The following DNAH14 variants were observed in gnomAD, a reference collection of about 807,000 sequenced individuals.
DNAH14 encodes the protein axonemal beta dynein heavy chain 14.
In DNAH14, 478 loss-of-function variants were observed where a neutral mutation model predicts 520.9. That is an observed-to-expected ratio of 0.92 (90% CI 0.85 to 0.99). The LOEUF is 0.99. Ranked by LOEUF, DNAH14 falls within the 50% of genes least tolerant of loss-of-function variation. The pLI is 0.00. For missense variants in DNAH14, 4,831 were observed against 5,234.5 expected (o/e 0.92, Z 2.38); for synonymous variants, 1,581 against 1,757.2 (o/e 0.90, Z 2.51).
chr1:225,335,299 A>G lies in DNAH14; in HGVS notation c.10080+1793A>G, dbSNP rs111205882. On this transcript the variant is annotated intron_variant, in intron 66 of 85. Transcript: ENST00000682510. ...ATTGTGTGTATATGCACATATACACATGTGTACACGTGTGTATATGCACAT... is the reference window on the plus strand; with the variant it reads ...ATTGTGTGTATATGCACATATACACGTGTGTACACGTGTGTATATGCACAT... 2.8e-3 allele frequency among the ~76,000 whole-genome samples: 315 copies of G among 111,394 alleles called. 22 individuals carry two copies. Among genetic ancestry groups the G allele is most frequent in the South Asian group, 4.1e-3 (13 of 3,204 alleles). 73.1% of individuals were successfully genotyped at this position (111,394 alleles called of 152,430 possible). A position where few individuals can be genotyped will look rare whatever the true frequency, so the allele number is the denominator to read the frequency against.
At chr1:224,943,618 T>C (rs2059583300) in intron 1 of DNAH14, among the ~76,000 whole-genome samples, 1 of 152,218 alleles carries the variant, frequency 6.6e-6, no homozygotes, top group African/African-American at 2.4e-5. Context: ...TCCTGCTTTC[T>C]CTTGTGGGCA....
intron 72 of DNAH14, among the ~76,000 whole-genome samples, chr1:225,352,846 C>T (rs1252776299): frequency 2.0e-5 from 3 of 151,852 alleles, no homozygotes; most frequent in African/African-American, 7.3e-5. Context: ...ATTTCAAGTT[C>T]TTATTAAGAA....
At chr1:225,236,544 A>G (rs1053767702) in intron 42 of DNAH14, among the ~76,000 whole-genome samples, 6 of 152,118 alleles carry the variant, frequency 3.9e-5, no homozygotes, top group Admixed American at 3.3e-4. Flanking sequence ...AGGTCCACTT[A>G]ATCCAGAGCT....
intron 41 of DNAH14, among the ~76,000 whole-genome samples, chr1:225,226,386 A>G (rs1281548204): frequency 6.6e-6 from 1 of 152,236 alleles, no homozygotes; most frequent in Non-Finnish European, 1.5e-5. Flanking sequence ...TGGCTACATC[A>G]TGGCAAAGGA....
chr1:224,998,465 G>A (rs1487368936), intron 8 of DNAH14, among the ~76,000 whole-genome samples: 1 of 152,090 alleles, frequency 6.6e-6, no homozygotes, highest in Non-Finnish European at 1.5e-5. Context: ...TTGATATGTT[G>A]TATTTTCATT....
At chr1:225,212,041 T>G (rs2088513856) in intron 41 of DNAH14, among the ~76,000 whole-genome samples, 1 of 145,460 alleles carries the variant, frequency 6.9e-6, no homozygotes, top group African/African-American at 2.6e-5. Context: ...TATCTCCTAA[T>G]GCTATCCCTC....
At chr1:225,111,446 C>T (rs2076470112) in intron 23 of DNAH14, among the ~76,000 whole-genome samples, 1 of 151,978 alleles carries the variant, frequency 6.6e-6, no homozygotes, top group Non-Finnish European at 1.5e-5. Context: ...ATAAATAGAG[C>T]TATTCTTGCT....
intron 27 of DNAH14, among the ~76,000 whole-genome samples, chr1:225,124,955 C>G (rs946418216): frequency 6.6e-6 from 1 of 151,896 alleles, no homozygotes; most frequent in African/African-American, 2.4e-5. Flanking sequence ...GGCATGAAAA[C>G]AACATTAATC....
Position 225,192,827 on chromosome 1 carries a change from A to T in DNAH14, c.5802A>T (p.Arg1934=). 1 of 1,550,304 alleles carries T rather than the reference A, an allele frequency of 6.5e-7. No homozygotes were observed. Residue 1934 remains arginine, a synonymous_variant, in exon 38 of 86, where the codon CGA becomes CGT. Transcript: ENST00000682510. The part of the protein sequence containing the change: ...WTDGLLSATI[R]SYVYFNTPKN... ...ATGGATTATTATCAGCAACAATTCG[A>T]AGTTATGTATATTTTAACACACCAA...
chr1:225,336,597 T>C (rs1574887721), intron 66 of DNAH14, among the ~76,000 whole-genome samples: 1 of 152,168 alleles, frequency 6.6e-6, no homozygotes, highest in Admixed American at 6.5e-5. Flanking sequence ...TTGAACAACA[T>C]GAGCAACAAA....
In DNAH14 at chr1:225,341,419, C is replaced by T. The variant is rs949607749; in HGVS notation, c.10678+718C>T. 5.9e-5 allele frequency among the ~76,000 whole-genome samples: 9 copies of T among 152,190 alleles called. No individual in the cohort carries two copies. In the East Asian group the frequency reaches 1.5e-3, roughly 26 times the overall value. Reference sequence around the variant, plus strand: ...GGTGGATCACCCGAGGTCAGGAGTTCGAGACCAGCCTGACCAACATGGAGA... The same window carrying T: ...GGTGGATCACCCGAGGTCAGGAGTTTGAGACCAGCCTGACCAACATGGAGA... On this transcript the variant is annotated intron_variant, in intron 69 of 85. Transcript: ENST00000682510.
intron 4 of DNAH14, among the ~76,000 whole-genome samples, chr1:224,964,240 G>A (rs2061015237): frequency 6.6e-6 from 1 of 151,988 alleles, no homozygotes; most frequent in South Asian, 2.1e-4. Context: ...GTTACTACCT[G>A]TGTAATTATG....
At chr1:225,380,486 G>A (rs1428894645) in intron 80 of DNAH14, among the ~76,000 whole-genome samples, 164 bp downstream of exon 80, 1 of 152,238 alleles carries the variant, frequency 6.6e-6, no homozygotes, top group African/African-American at 2.4e-5. Flanking sequence ...TTGAAAGACA[G>A]AGAGCACAGA....
chr1:225,003,790 A>G (rs2063951868), intron 9 of DNAH14, among the ~76,000 whole-genome samples: 1 of 152,116 alleles, frequency 6.6e-6, no homozygotes, highest in South Asian at 2.1e-4. Context: ...GACATTTCAC[A>G]GAGGAATCTC....
rs148730700 is a variant in DNAH14, at chr1:225,144,425, C to T, written c.4537C>T (p.Gln1513Ter). ...TTTGCAATATAAATGGAATGAAAAA[C>T]AAAAGTTGTGCTATGTGTCTCAAGG... ...RHLQYKWNEKQKLCYVSQGNA... is the reference protein window; with the variant it reads ...RHLQYKWNEK Residue 1513 changes from glutamine (Q) to a stop codon, truncating the protein, a stop_gained, in exon 29 of 86, where the codon CAA (glutamine) becomes TAA (stop). Transcript: ENST00000682510. LOFTEE classifies it high-confidence loss of function. 18 of 1,551,014 alleles carry T rather than the reference C, an allele frequency of 1.2e-5. No homozygotes were observed. The East Asian group carries it at 4.4e-4, about 38-fold the overall frequency.
intron 55 of DNAH14, among the ~76,000 whole-genome samples, chr1:225,299,164 G>C (rs574045535): frequency 6.6e-6 from 1 of 152,160 alleles, no homozygotes; most frequent in Non-Finnish European, 1.5e-5. Flanking sequence ...CTATATTTAC[G>C]TACAAGCAAA....
chr1:225,301,666 C>G (rs1348893787), intron 56 of DNAH14, among the ~76,000 whole-genome samples: 1 of 152,000 alleles, frequency 6.6e-6, no homozygotes, highest in Non-Finnish European at 1.5e-5. Flanking sequence ...TGGGGGAGGA[C>G]CACAGGTGGA....
intron 41 of DNAH14, among the ~76,000 whole-genome samples, chr1:225,229,071 G>T (rs622158): frequency 0.13 from 19,980 of 152,122 alleles, 1,470 homozygotes; most frequent in East Asian, 0.31. Context: ...AATTGTGTTT[G>T]CTCCAAGCCT....
chr1:225,297,291 C>T (rs1363260108), intron 55 of DNAH14, among the ~76,000 whole-genome samples: 1 of 152,006 alleles, frequency 6.6e-6, no homozygotes, highest in Non-Finnish European at 1.5e-5. Context: ...GTTGAGTTGT[C>T]TATCTTTATC....
Sources: allele counts gnomAD v4.1 joint callset (sites outside exome capture counted in the v4.1 genomes callset), GRCh38; gene constraint gnomAD v4.1.1; transcripts MANE v1.5; gene names NCBI Gene and HGNC (gene_info 2026-07-23, HGNC 2026-07-21).